The following ERAP1 variants were observed in gnomAD, a reference collection of about 807,000 sequenced individuals.
ERAP1 encodes adipocyte-derived leucine aminopeptidase.
ERAP1 carries 86 observed loss-of-function variants against 103.7 expected under a neutral mutation model. The observed-to-expected ratio is 0.83, with a 90% confidence interval of 0.70 to 0.99. The LOEUF (loss-of-function observed/expected upper bound fraction) is 0.99. ERAP1 is among the 50% of genes least tolerant of loss of function. The pLI is 0.00. For missense variants in ERAP1, 1,009 were observed against 1,128.4 expected (o/e 0.89, Z 1.52); for synonymous variants, 398 against 402.4 (o/e 0.99, Z 0.13).
the ERAP1 span, chr5:96,899,974 T>C: frequency 3.2e-5 from 30 of 949,810 alleles, no homozygotes; most frequent in Non-Finnish European, 4.0e-5. Flanking sequence ...CAAACATGCC[T>C]TTTTTTCCAT....
At chr5:96,917,762 C>T in the ERAP1 span, 3 of 459,218 alleles carry the variant, frequency 6.5e-6, no homozygotes, top group Non-Finnish European at 1.1e-5. Context: ...AAAAATTAGC[C>T]GGGCATGGTG....
At chr5:96,784,151 A>G (rs1561674248) in intron 13 of ERAP1, 71 bp from the exon 14 acceptor site, 3 of 1,485,530 alleles carry the variant, frequency 2.0e-6, no homozygotes, top group Non-Finnish European at 1.9e-6. Flanking sequence ...TTCAAAATAT[A>G]TTTTAATCTT....
exon 20 of ERAP1, chr5:96,761,832 G>A (rs539670958): frequency 6.5e-6 from 1 of 154,590 alleles, no homozygotes; most frequent in Admixed American, 6.5e-5. Flanking sequence ...CAAGGCCATG[G>A]GAAAACAGGC....
At chr5:96,804,065 G>C in intron 1 of ERAP1, 122 bp from the exon 2 acceptor site, 1 of 1,072,078 alleles carries the variant, frequency 9.3e-7, no homozygotes, top group Non-Finnish European at 1.4e-6. Flanking sequence ...AAAAGTACTA[G>C]GTCTTTTCCT....
chr5:96,816,943 C>CA, the ERAP1 span, among the ~76,000 whole-genome samples: 1 of 152,230 alleles, frequency 6.6e-6, no homozygotes, highest in Non-Finnish European at 1.5e-5. Context: ...CAGACTGCTA[C>CA]AGCACCAGAG....
At chr5:96,879,825 C>G in the ERAP1 span, 3 of 1,614,176 alleles carry the variant, frequency 1.9e-6, no homozygotes, top group Non-Finnish European at 2.5e-6. Flanking sequence ...TATCACTTCA[C>G]TGAGGATCCT....
At chr5:96,857,817 C>T in the ERAP1 span, among the ~76,000 whole-genome samples, 1 of 152,246 alleles carries the variant, frequency 6.6e-6, no homozygotes, top group Admixed American at 6.5e-5. Flanking sequence ...GGTGAGAAAA[C>T]CTGTTTTGTA....
chr5:96,828,775 A>T, the ERAP1 span, among the ~76,000 whole-genome samples: 1 of 152,216 alleles, frequency 6.6e-6, no homozygotes, highest in African/African-American at 2.4e-5. Context: ...TCAGAAAAAA[A>T]TATATAGATT....
chr5:96,817,733 C>T, the ERAP1 span, among the ~76,000 whole-genome samples: 1 of 152,338 alleles, frequency 6.6e-6, no homozygotes, highest in Admixed American at 6.5e-5. Flanking sequence ...GCCACAATTG[C>T]TGGCTCCAGA....
At chr5:96,808,372 G>A (rs1778935940), upstream of ERAP1, among the ~76,000 whole-genome samples, 1 of 151,792 alleles carries the variant, frequency 6.6e-6, no homozygotes, top group African/African-American at 2.4e-5. Context: ...AGCCAGGCAG[G>A]CGCTGACAAG....
In ERAP1 at chr5:96,774,648, TA is replaced by T. The variant is rs1388933793; in HGVS notation, c.*1747del. The T allele has an allele frequency of 3.4e-5, 33 of 984,760 alleles. No individual in the cohort carries two copies. The highest frequency in any genetic ancestry group is 3.0e-5 in the Non-Finnish European group (25 of 829,308). 61.0% of individuals were successfully genotyped at this position (984,760 alleles called of 1,614,324 possible). ...TTTCCATGTTTCATTAATCAAGGCA[TA>T]AAATACAATTAAAGCAAAATATTTT... On this transcript the variant is annotated 3_prime_UTR_variant, in exon 19 of 19. Transcript: ENST00000443439.
At chr5:96,816,515 G>T in the ERAP1 span, among the ~76,000 whole-genome samples, 4 of 152,234 alleles carry the variant, frequency 2.6e-5, no homozygotes, top group African/African-American at 7.2e-5. Context: ...CTCAACTTAG[G>T]CACAGGTGCA....
the ERAP1 span, among the ~76,000 whole-genome samples, chr5:96,845,713 G>C: frequency 1.3e-5 from 1 of 76,562 alleles, no homozygotes; most frequent in South Asian, 4.3e-4. Context: ...GTATGATCTT[G>C]AGATACTCAC....
chr5:96,775,321 T>TTTTG lies in ERAP1; in HGVS notation c.*1071_*1074dup, dbSNP rs1774004866. On this transcript the variant is annotated 3_prime_UTR_variant, in exon 19 of 19. Coordinates refer to ENST00000443439, the MANE Select transcript of ERAP1 (RefSeq NM_001040458.3). ...TCCTATTTGCTAATATGAGCAAATA[T>TTTTG]TTTGTTTCACAATGTACTATCATTT... 1.1e-5 allele frequency: 11 copies of TTTTG among 985,504 alleles called. No homozygotes were observed. The highest frequency in any genetic ancestry group is 1.1e-5 in the Non-Finnish European group (9 of 829,878). 61.0% of individuals were successfully genotyped at this position (985,504 alleles called of 1,614,324 possible).
At chr5:96,812,589 T>C (rs143699770), upstream of ERAP1, among the ~76,000 whole-genome samples, 249 of 152,210 alleles carry the variant, frequency 1.6e-3, 1 homozygote, top group African/African-American at 5.8e-3. Context: ...ACCATGGTGT[T>C]ATGCTACTAA....
exon 20 of ERAP1, chr5:96,762,284 A>C (rs1233698522): frequency 1.9e-6 from 3 of 1,604,982 alleles, no homozygotes; most frequent in Non-Finnish European, 2.5e-6. Flanking sequence ...AAATTTGAAG[A>C]TGCTAAACTT....
the ERAP1 span, among the ~76,000 whole-genome samples, chr5:96,847,474 G>A: frequency 1.3e-5 from 2 of 152,092 alleles, no homozygotes; most frequent in Non-Finnish European, 2.9e-5. Flanking sequence ...AGATCAAACA[G>A]GTCTAACATA....
At chr5:96,928,427 G>A in the ERAP1 span, among the ~76,000 whole-genome samples, 9 of 152,246 alleles carry the variant, frequency 5.9e-5, no homozygotes, top group East Asian at 1.5e-3. Context: ...AATATGACTA[G>A]TGTCCTTATT....
the ERAP1 span, among the ~76,000 whole-genome samples, chr5:96,867,965 C>A: frequency 6.6e-6 from 1 of 151,884 alleles, no homozygotes; most frequent in Admixed American, 6.6e-5. Flanking sequence ...TCCCAGCTAC[C>A]TGGGAGTCTG....
Sources: allele counts gnomAD v4.1 joint callset (sites outside exome capture counted in the v4.1 genomes callset), GRCh38; gene constraint gnomAD v4.1.1; transcripts MANE v1.5; gene names NCBI Gene and HGNC (gene_info 2026-07-23, HGNC 2026-07-21).